Variants in TLR6 observed in about 807,000 individuals in gnomAD.
TLR6 encodes toll-like receptor 6.
In TLR6, 9 loss-of-function variants were observed where a neutral mutation model predicts 16.1. The observed-to-expected ratio is 0.56, with a 90% CI of 0.34 to 0.98. The LOEUF is 0.98. Ranked by LOEUF, TLR6 falls within the 50% of genes least tolerant of loss-of-function variation. TLR6 has a pLI of 0.02. For synonymous variants in TLR6, 340 were observed against 338.6 expected (o/e 1.00, Z -0.04); for missense variants, 786 against 921.0 (o/e 0.85, Z 1.90).
the TLR6 span, among the ~76,000 whole-genome samples, chr4:38,864,397 T>C: frequency 5.3e-5 from 8 of 152,336 alleles, no homozygotes; most frequent in African/African-American, 4.8e-5. Context: ...CAATGTCTAG[T>C]AAAGGGGAAC....
exon 2 of TLR6, chr4:38,824,455 C>A (rs6822503): frequency 0.59 from 89,299 of 152,026 alleles, 26,848 homozygotes; most frequent in East Asian, 0.73. Flanking sequence ...GTAGGTTTAA[C>A]AAAATTAATG....
the TLR6 span, among the ~76,000 whole-genome samples, chr4:38,864,252 T>C: frequency 6.6e-5 from 10 of 152,316 alleles, no homozygotes; most frequent in East Asian, 1.7e-3. Flanking sequence ...CTGTGGAGTG[T>C]AAGTTCTTGA....
the TLR6 span, among the ~76,000 whole-genome samples, chr4:38,866,495 AAAAATG>A: frequency 6.6e-6 from 1 of 151,928 alleles, no homozygotes; most frequent in African/African-American, 2.4e-5. Flanking sequence ...TCCATCTCAA[AAAAATG>A]AATTAATAAA....
At chr4:38,849,553 C>A (rs1712681806) in intron 1 of TLR6, among the ~76,000 whole-genome samples, 1 of 152,024 alleles carries the variant, frequency 6.6e-6, no homozygotes, top group South Asian at 2.1e-4. Flanking sequence ...CAGAGACACA[C>A]ATAGGCTCAA....
intron 1 of TLR6, among the ~76,000 whole-genome samples, chr4:38,852,933 CAT>C (rs1472076730): frequency 1.3e-5 from 2 of 152,194 alleles, no homozygotes; most frequent in African/African-American, 4.8e-5. Context: ...CATGCACACA[CAT>C]GTTTATTGTG....
intron 1 of TLR6, among the ~76,000 whole-genome samples, chr4:38,847,437 G>C (rs144647911): frequency 5.6e-4 from 86 of 152,238 alleles, no homozygotes; most frequent in Admixed American, 5.4e-3. Context: ...GACAGTGGGG[G>C]CAGGACAGTG....
At chr4:38,829,967 T>C (rs1332766203) in intron 1 of TLR6, among the ~76,000 whole-genome samples, 2 of 152,196 alleles carry the variant, frequency 1.3e-5, no homozygotes, top group African/African-American at 4.8e-5. Context: ...TATGCAAAGA[T>C]ATATGGAGAA....
chr4:38,828,974 G>C, exon 2 of TLR6: 1 of 1,613,682 alleles, frequency 6.2e-7, no homozygotes, highest in Non-Finnish European at 8.5e-7. Flanking sequence ...ATGCAAGTGA[G>C]CAATTGGCAG....
At chr4:38,838,298 T>A (rs1403488135) in intron 1 of TLR6, among the ~76,000 whole-genome samples, 2 of 152,226 alleles carry the variant, frequency 1.3e-5, no homozygotes, top group Non-Finnish European at 2.9e-5. Flanking sequence ...TGCACCTCCA[T>A]GTTCATTGCA....
At chr4:38,858,547 C>G (rs1713079591), upstream of TLR6, among the ~76,000 whole-genome samples, 1 of 151,920 alleles carries the variant, frequency 6.6e-6, no homozygotes, top group Non-Finnish European at 1.5e-5. Context: ...TGGCGAAACC[C>G]TGTCTCTACT....
rs754621495 is a variant in TLR6, at chr4:38,828,597, GA to G, written c.876del (p.Arg293ValfsTer12). 5.6e-6 allele frequency: 9 copies of G among 1,613,780 alleles called. No homozygotes were observed. The highest frequency in any genetic ancestry group is 6.8e-6 in the Non-Finnish European group (8 of 1,179,794). ...TTAGAATAAGTAAAATCTTCTTCAC[GA>G]ATGCTTTCAATTATTGTTAAATTGT... On this transcript the variant is annotated frameshift_variant, in exon 2 of 2. Transcript: ENST00000436693. LOFTEE classifies it low-confidence loss of function (END_TRUNC).
At chr4:38,837,613 A>C (rs1423292797) in intron 1 of TLR6, among the ~76,000 whole-genome samples, 1 of 152,226 alleles carries the variant, frequency 6.6e-6, no homozygotes, top group Non-Finnish European at 1.5e-5. Context: ...TGGATTACAG[A>C]CTTAAATGTA....
At chr4:38,856,339 C>A (rs888213799) in intron 1 of TLR6, among the ~76,000 whole-genome samples, 1 of 152,082 alleles carries the variant, frequency 6.6e-6, no homozygotes, top group Non-Finnish European at 1.5e-5. Context: ...CAGTGACAAA[C>A]GACAAGGGAG....
intron 1 of TLR6, among the ~76,000 whole-genome samples, chr4:38,837,165 G>A (rs1711971330): frequency 6.6e-6 from 1 of 152,038 alleles, no homozygotes; most frequent in African/African-American, 2.4e-5. Flanking sequence ...ACTACTCAAA[G>A]CAATCTACAG....
At chr4:38,828,478 G>A in exon 2 of TLR6, 1 of 1,614,142 alleles carries the variant, frequency 6.2e-7, no homozygotes, top group African/African-American at 1.3e-5. Flanking sequence ...ACATCATAAT[G>A]TTCATCTCAG....
chr4:38,834,759 A>C (rs572880408), intron 1 of TLR6, among the ~76,000 whole-genome samples: 5 of 152,348 alleles, frequency 3.3e-5, no homozygotes, highest in African/African-American at 1.2e-4. Context: ...CTGAAAGAAG[A>C]AACTGTCAAC....
chr4:38,841,903 G>C (rs1712280518), intron 1 of TLR6, among the ~76,000 whole-genome samples: 1 of 152,120 alleles, frequency 6.6e-6, no homozygotes, highest in African/African-American at 2.4e-5. Context: ...TATTTGTAAA[G>C]TGATTTATAA....
At chr4:38,850,963 T>A (rs138016406) in intron 1 of TLR6, among the ~76,000 whole-genome samples, 2 of 151,636 alleles carry the variant, frequency 1.3e-5, no homozygotes, top group African/African-American at 4.8e-5. Flanking sequence ...CTGATGAACA[T>A]TAATACAAAA....
chr4:38,843,742 A>G (rs1284194783), intron 1 of TLR6: 1 of 152,244 alleles, frequency 6.6e-6, no homozygotes, highest in Non-Finnish European at 1.5e-5. Context: ...CCAACTGCCC[A>G]TCAGAACACC....
Sources: allele counts gnomAD v4.1 joint callset (sites outside exome capture counted in the v4.1 genomes callset), GRCh38; gene constraint gnomAD v4.1.1; transcripts MANE v1.5; gene names NCBI Gene and HGNC (gene_info 2026-07-23, HGNC 2026-07-21).